ABCA4: variants seen among roughly 807,000 people sequenced by gnomAD.
The protein encoded by ABCA4 is retinal-specific phospholipid-transporting ATPase ABCA4.
Under a neutral mutation model 263.7 loss-of-function variants are expected in ABCA4, and 196 were observed. The observed-to-expected ratio is 0.74, with a 90% confidence interval of 0.66 to 0.84. The LOEUF (loss-of-function observed/expected upper bound fraction) is 0.84, where lower values mean the gene tolerates loss of function less well. ABCA4 is among the 40% of genes least tolerant of loss of function. The probability of loss-of-function intolerance (pLI) is 0.00; values close to 1 mark genes in which losing one functional copy is unlikely to be tolerated. For missense variants in ABCA4, 2,792 were observed against 2,855.1 expected (o/e 0.98, Z 0.50); for synonymous variants, 1,133 against 1,094.2 (o/e 1.04, Z -0.70).
intron 11 of ABCA4, among the ~76,000 whole-genome samples, chr1:94,065,337 G>C (rs575331848): frequency 6.6e-6 from 1 of 152,226 alleles, no homozygotes; most frequent in East Asian, 1.9e-4. Flanking sequence ...TGGTAGAGTA[G>C]GTATCAAACC....
chr1:94,038,947 G>A (rs1660416999), intron 24 of ABCA4, among the ~76,000 whole-genome samples: 1 of 152,054 alleles, frequency 6.6e-6, no homozygotes, highest in African/African-American at 2.4e-5. Context: ...TCTATACAAA[G>A]AAAACCTTTA....
intron 12 of ABCA4, 58 bp downstream of exon 12, chr1:94,063,054 C>A: frequency 6.7e-7 from 1 of 1,502,304 alleles, no homozygotes; most frequent in South Asian, 1.1e-5. Flanking sequence ...TTCTCTCTAC[C>A]AAATGTAATT....
chr1:94,054,631 C>T (rs1305133946), intron 16 of ABCA4, among the ~76,000 whole-genome samples: 1 of 151,976 alleles, frequency 6.6e-6, no homozygotes, highest in African/African-American at 2.4e-5. Context: ...GTAAGGAGGC[C>T]GACGTGGCTG....
At chr1:94,045,682 G>A (rs1338822995) in intron 19 of ABCA4, 2 of 449,962 alleles carry the variant, frequency 4.4e-6, no homozygotes, top group Non-Finnish European at 4.5e-6. Flanking sequence ...TGGAGAAGCC[G>A]AAATCTCCGC....
intron 32 of ABCA4, among the ~76,000 whole-genome samples, chr1:94,022,956 T>C (rs1360624874): frequency 1.3e-5 from 2 of 152,148 alleles, no homozygotes; most frequent in Non-Finnish European, 2.9e-5. Flanking sequence ...GTTCTAAACC[T>C]CTGGAAATAT....
At position 94,024,964 on chromosome 1, in the gene ABCA4, T is replaced by C. The variant is rs1228267641; in HGVS notation, c.4624A>G (p.Ile1542Val). 6.2e-7 allele frequency: 1 copy of C among 1,613,824 alleles called. No individual in the cohort carries two copies. The highest frequency in any genetic ancestry group is 1.3e-5 in the African/African-American group (1 of 74,934). Residue 1542 changes from isoleucine to valine, a missense_variant, in exon 31 of 50, where the codon ATA becomes GTA. Physicochemically the swap from Ile to Val is conservative, Grantham distance 29. Coordinates refer to ENST00000370225, the MANE Select transcript of ABCA4 (RefSeq NM_000350.3). The part of the protein sequence containing the change: ...DFLVKTYPAL[I>V]RSSLKSKFWV... ...AGGATTTCTTCTTACCTGCTTCTTA[T>C]AAGAGCAGGATACGTTTTTACCAAG...
chr1:94,099,060 G>A, intron 5 of ABCA4, 69 bp from the exon 6 acceptor site: 1 of 1,493,552 alleles, frequency 6.7e-7, no homozygotes, highest in Non-Finnish European at 9.1e-7. Flanking sequence ...CTAACCCACA[G>A]AACCTGGGAA....
intron 4 of ABCA4, among the ~76,000 whole-genome samples, chr1:94,103,972 C>A (rs1371742404): frequency 6.6e-6 from 1 of 152,204 alleles, no homozygotes; most frequent in Non-Finnish European, 1.5e-5. Context: ...AGTGATTGAG[C>A]CTGTCCCCGT....
Position 94,056,730 on chromosome 1 carries a change from G to C in ABCA4, c.2253C>G (p.Leu751=). 6.2e-7 allele frequency: 1 copy of C among 1,614,030 alleles called. No individual in the cohort carries two copies. The part of the protein sequence containing the change: ...STATIMLCFL[L]STFFSKASLA... ...GACTGGCCTTGGAGAAGAAGGTGCTGAGCAGAAAGCACAGCATGATGGTGG... is the reference window on the plus strand; with the variant it reads ...GACTGGCCTTGGAGAAGAAGGTGCTCAGCAGAAAGCACAGCATGATGGTGG... The change falls in exon 15 of 50, where the codon CTC becomes CTG. Residue 751 remains leucine (L), a synonymous_variant. Transcript: ENST00000370225.
At chr1:94,119,379 T>G (rs1486419420) in intron 1 of ABCA4, among the ~76,000 whole-genome samples, 4 of 152,184 alleles carry the variant, frequency 2.6e-5, no homozygotes, top group African/African-American at 9.7e-5. Context: ...GCAGCCTCCC[T>G]GCGTCCTGGG....
Position 94,048,921 on chromosome 1 carries a change from G to A in ABCA4, c.2690C>T (p.Thr897Ile), listed in dbSNP as rs61749440. 2,326 of 1,614,066 alleles carry A rather than the reference G, an allele frequency of 1.4e-3. 7 individuals carry two copies. The highest frequency in any genetic ancestry group is 2.5e-3 in the Middle Eastern group (15 of 6,062). The change falls in exon 18 of 50, where the codon ACC (threonine) becomes ATC (isoleucine). Residue 897 changes from threonine to isoleucine, a missense_variant. Transcript: ENST00000370225. ...CTCCGTTTCCTCTGTTAGGGGCTCG[G>A]TCTTTTCCAGGGCTCTTTCTTCTCT... The part of the protein sequence containing the change: ...STREERALEK[T>I]EPLTEETEDP...
At chr1:94,010,640 C>T (rs766635033) in intron 40 of ABCA4, 160 bp downstream of exon 40, 75 of 1,043,494 alleles carry the variant, frequency 7.2e-5, no homozygotes, top group Middle Eastern at 2.0e-4. Flanking sequence ...TATTTTAACC[C>T]GATCCTCTAC....
At chr1:94,070,891 G>C (rs559400280) in intron 11 of ABCA4, among the ~76,000 whole-genome samples, 1 of 152,194 alleles carries the variant, frequency 6.6e-6, no homozygotes, top group African/African-American at 2.4e-5. Flanking sequence ...AGCTGTGGGC[G>C]CTAAGTCTTG....
intron 30 of ABCA4, among the ~76,000 whole-genome samples, chr1:94,028,000 G>A (rs1660086443): frequency 1.3e-5 from 2 of 152,226 alleles, no homozygotes; most frequent in Non-Finnish European, 1.5e-5. Flanking sequence ...TCTGCTGTTA[G>A]TTTGGGGTTG....
chr1:94,082,174 C>T lies in ABCA4; in HGVS notation c.858+1178G>A, dbSNP rs145372225. On this transcript the variant is annotated intron_variant, in intron 7 of 49. Coordinates refer to ENST00000370225, the MANE Select transcript of ABCA4 (RefSeq NM_000350.3). Reference sequence around the variant, plus strand: ...TCAAATTGCTTCAACAACAGTGAGTCTTATGACATCTTGTAAGGGGTTATT... The same window carrying T: ...TCAAATTGCTTCAACAACAGTGAGTTTTATGACATCTTGTAAGGGGTTATT... Among the ~76,000 whole-genome samples, 382 of 152,290 alleles carry T rather than the reference C, an allele frequency of 2.5e-3. 2 individuals are homozygous for T. Among genetic ancestry groups the T allele is most frequent in the African/African-American group, 8.8e-3 (364 of 41,574 alleles).
intron 40 of ABCA4, 139 bp from the exon 41 acceptor site, chr1:94,009,010 G>C: frequency 7.9e-7 from 1 of 1,266,310 alleles, no homozygotes; most frequent in Non-Finnish European, 1.1e-6. Flanking sequence ...TTCTAAAAAG[G>C]GCTCCCAGCA....
intron 14 of ABCA4, among the ~76,000 whole-genome samples, chr1:94,058,775 T>A (rs1460326906): frequency 6.6e-6 from 1 of 152,386 alleles, no homozygotes; most frequent in East Asian, 1.9e-4. Flanking sequence ...TAATTCACTC[T>A]GTGACCCTAC....
At chr1:94,006,764 G>A (rs1557761778) in intron 43 of ABCA4, among the ~76,000 whole-genome samples, 1 of 152,218 alleles carries the variant, frequency 6.6e-6, no homozygotes, top group Non-Finnish European at 1.5e-5. Flanking sequence ...CCATGCTGAG[G>A]ATGGCTTTCA....
chr1:94,079,356 G>A lies in ABCA4; in HGVS notation c.1205C>T (p.Pro402Leu). Reference protein sequence around the residue: ...PLLMGKILYTPDSPAARRILK... With the variant: ...PLLMGKILYTLDSPAARRILK... ...TATCCTTCGTGCTGCAGGTGAATCA[G>A]GAGTGTACAGGATTTTTCCCATCAG... Residue 402 changes from proline (P) to leucine (L), a missense_variant, in exon 9 of 50, where the codon CCT becomes CTT. Coordinates refer to ENST00000370225, the MANE Select transcript of ABCA4 (RefSeq NM_000350.3). 6.2e-7 allele frequency: 1 copy of A among 1,614,164 alleles called. No individual in the cohort carries two copies. The highest frequency in any genetic ancestry group is 8.5e-7 in the Non-Finnish European group (1 of 1,180,030).
Sources: gnomAD v4.1 joint callset for allele counts (sites outside exome capture counted in the v4.1 genomes callset) on GRCh38, gnomAD v4.1.1 for gene constraint, MANE v1.5 for transcripts, NCBI Gene and HGNC (gene_info 2026-07-23, HGNC 2026-07-21) for gene names.